The following RNFT2 variants were observed in gnomAD, a reference collection of about 807,000 sequenced individuals.
RNFT2 encodes ring finger protein, transmembrane 2.
Under a neutral mutation model 53.0 loss-of-function variants are expected in RNFT2, and 36 were observed. The ratio of observed to expected loss-of-function variants is 0.68; its 90% CI spans 0.52 to 0.90. RNFT2 has a LOEUF of 0.90. Ranked by LOEUF, RNFT2 falls within the 40% of genes least tolerant of loss-of-function variation. The pLI, the probability that RNFT2 is intolerant of heterozygous loss-of-function variation, is 0.00. For synonymous variants in RNFT2, 260 were observed against 253.2 expected (o/e 1.03, Z -0.26); for missense variants, 514 against 585.6 (o/e 0.88, Z 1.26).
At position 116,849,731 on chromosome 12, in the gene RNFT2, A is replaced by G; in HGVS notation, c.*283A>G. On this transcript the variant is annotated 3_prime_UTR_variant, in exon 11 of 11. Coordinates refer to ENST00000257575, the MANE Select transcript of RNFT2 (RefSeq NM_001382266.1). ...CATCTTCCTTCTCCACTCCAAGTCA[A>G]GGACCTGGCAATACATGAAGTTCCC... 8.3e-7 allele frequency: 1 copy of G among 1,198,208 alleles called. No individual in the cohort carries two copies. Among genetic ancestry groups the G allele is most frequent in the African/African-American group, 1.6e-5 (1 of 63,920 alleles). The allele number at this position is 1,198,208 out of a possible 1,614,324, so 74.2% of individuals were successfully genotyped here.
chr12:116,762,589 T>C (rs1053089050), intron 5 of RNFT2, among the ~76,000 whole-genome samples: 3 of 150,936 alleles, frequency 2.0e-5, no homozygotes, highest in Non-Finnish European at 3.0e-5. Context: ...AATTTTTTTT[T>C]TTTTTTTTGA....
intron 7 of RNFT2, among the ~76,000 whole-genome samples, chr12:116,800,322 C>A (rs1221551114): frequency 1.3e-5 from 2 of 151,902 alleles, no homozygotes; most frequent in Non-Finnish European, 2.9e-5. Context: ...CATGGTGAAG[C>A]TCTGTCTCTA....
At chr12:116,739,671 G>A (rs1007045036) in intron 1 of RNFT2, among the ~76,000 whole-genome samples, 3 of 152,184 alleles carry the variant, frequency 2.0e-5, no homozygotes, top group African/African-American at 4.8e-5. Flanking sequence ...GCAGGGACAC[G>A]CTGACACATT....
intron 7 of RNFT2, among the ~76,000 whole-genome samples, chr12:116,825,811 G>A (rs575885923): frequency 6.6e-6 from 1 of 152,080 alleles, no homozygotes; most frequent in Admixed American, 6.5e-5. Context: ...GGTCATAGAG[G>A]TTGAATTATT....
chr12:116,794,675 G>C (rs1874413951), intron 7 of RNFT2, among the ~76,000 whole-genome samples: 1 of 118,152 alleles, frequency 8.5e-6, no homozygotes, highest in African/African-American at 3.4e-5. Flanking sequence ...AGGAAGGAAG[G>C]GAGGGAGGGA....
In RNFT2 at chr12:116,750,926, G is replaced by T. The variant is rs144457693; in HGVS notation, c.550+619G>T. Among the ~76,000 whole-genome samples, 116 of 128,664 alleles carry T rather than the reference G, an allele frequency of 9.0e-4. 2 individuals are homozygous for T. Among genetic ancestry groups the T allele is most frequent in the Middle Eastern group, 4.5e-3 (1 of 224 alleles). The allele number at this position is 128,664 out of a possible 152,430, so 84.4% of individuals were successfully genotyped here. On this transcript the variant is annotated intron_variant, in intron 4 of 10. Transcript: ENST00000257575. ...TATATATATTTTTTTTTGAGACAGG[G>T]TCTTGCTCTTTCAGCCAGGCTGGAG...
rs1872101496 is a variant in RNFT2 at position 116,749,999 on chromosome 12, C to T, written c.242C>T (p.Ser81Leu). Residue 81 changes from serine to leucine, a missense_variant, in exon 4 of 11, where the codon TCG (serine) becomes TTG (leucine). Around this residue, in one of 3 missense-constraint regions of RNFT2, gnomAD observed 237 missense variants for 235.1 expected, o/e 1.01. Transcript: ENST00000257575. ...CCCTCCAGCCTGGTGCTGGGCTCCTCGGCTGGCGGCGGGGACGTGTTCATC... is the reference window on the plus strand; with the variant it reads ...CCCTCCAGCCTGGTGCTGGGCTCCTTGGCTGGCGGCGGGGACGTGTTCATC... ...SFPSSLVLGS[S>L]AGGGDVFIQM... is the part of the protein sequence containing the mutation. 5 of 1,557,086 alleles carry T rather than the reference C, an allele frequency of 3.2e-6. No homozygotes were observed. Among genetic ancestry groups the T allele is most frequent in the African/African-American group, 1.4e-5 (1 of 73,368 alleles).
At chr12:116,785,785 A>G (rs1002278137) in intron 7 of RNFT2, among the ~76,000 whole-genome samples, 65 of 152,304 alleles carry the variant, frequency 4.3e-4, no homozygotes, top group Non-Finnish European at 9.1e-4. Flanking sequence ...ATTGTGGCTC[A>G]CACCTGTAAT....
chr12:116,763,225 CA>C (rs1344523529), intron 5 of RNFT2, among the ~76,000 whole-genome samples: 3 of 150,436 alleles, frequency 2.0e-5, no homozygotes, highest in Non-Finnish European at 4.4e-5. Context: ...TGTTAATAGG[CA>C]ATTCTCAAAA....
chr12:116,774,530 G>A lies in RNFT2; in HGVS notation c.729-4665G>A, dbSNP rs1873339084. On this transcript the variant is annotated intron_variant, in intron 6 of 10. Coordinates refer to ENST00000257575, the MANE Select transcript of RNFT2 (RefSeq NM_001382266.1). ...GGAAACTATCAGAGCTGTCAGAATT[G>A]AGGGAAGATTCTTTTGTGGATGGTT... Among the ~76,000 whole-genome samples the A allele has an allele frequency of 2.0e-5, 3 of 152,176 alleles. No homozygotes were observed. In the South Asian group the frequency reaches 6.2e-4, roughly 32 times the overall value.
In RNFT2 at chr12:116,750,081, C is replaced by G; in HGVS notation, c.324C>G (p.His108Gln). The stretch of plus-strand genomic sequence containing the variant: ...GCCGGGGCGAGGGGGGCGCCTACCA[C>G]CACCGCCAGCCCCACCACCATTTCC... The part of the protein sequence containing the change: ...GGGRGEGGAY[H>Q]HRQPHHHFHH... Residue 108 changes from histidine (H) to glutamine (Q), a missense_variant, in exon 4 of 11, where the codon CAC becomes CAG. Coordinates refer to ENST00000257575, the MANE Select transcript of RNFT2 (RefSeq NM_001382266.1). The G allele has an allele frequency of 1.3e-6, 2 of 1,545,964 alleles. No individual in the cohort carries two copies. Among genetic ancestry groups the G allele is most frequent in the Non-Finnish European group, 1.7e-6 (2 of 1,149,766 alleles).
At chr12:116,769,360 G>A (rs1274227634) in intron 6 of RNFT2, among the ~76,000 whole-genome samples, 1 of 152,176 alleles carries the variant, frequency 6.6e-6, no homozygotes. Flanking sequence ...AAAGTTAACT[G>A]TAAGGCAGCC....
intron 7 of RNFT2, among the ~76,000 whole-genome samples, chr12:116,805,121 C>CTTTTT (rs35830752): frequency 2.8e-5 from 4 of 143,340 alleles, no homozygotes; most frequent in African/African-American, 1.0e-4. Flanking sequence ...AAGACATTGT[C>CTTTTT]TTTTTTTTTT....
Position 116,818,153 on chromosome 12 carries a change from C to CA in RNFT2, c.883-15632dup, listed in dbSNP as rs201317508. Among the ~76,000 whole-genome samples the CA allele has an allele frequency of 9.2e-4, 140 of 151,942 alleles. No homozygotes were observed. In the East Asian group the frequency reaches 0.021, roughly 22 times the overall value. On this transcript the variant is annotated intron_variant, in intron 7 of 10. Transcript: ENST00000257575. ...CAACACAGGGGAGACCCCCTCTCTACAAAAAAAGTCTTTAAAAAATTATCT... is the reference window on the plus strand; with the variant it reads ...CAACACAGGGGAGACCCCCTCTCTACAAAAAAAAGTCTTTAAAAAATTATCT...
In RNFT2 at chr12:116,799,424, C is replaced by A. The variant is rs530669532; in HGVS notation, c.882+20076C>A. Reference sequence around the variant, plus strand: ...CTCCAAAATCCCTTTTATCGTGTAGCCTGTAATATGATCTAGATGTGATAT... The same window carrying A: ...CTCCAAAATCCCTTTTATCGTGTAGACTGTAATATGATCTAGATGTGATAT... On this transcript the variant is annotated intron_variant, in intron 7 of 10. Transcript: ENST00000257575. Among the ~76,000 whole-genome samples the A allele has an allele frequency of 2.6e-5, 4 of 152,294 alleles. No individual in the cohort carries two copies. The East Asian group carries it at 7.7e-4, about 29-fold the overall frequency.
chr12:116,752,605 C>T lies in RNFT2; in HGVS notation c.551-1379C>T, dbSNP rs749341757. On this transcript the variant is annotated intron_variant, in intron 4 of 10. Transcript: ENST00000257575. The stretch of plus-strand genomic sequence containing the variant: ...TTAAAAGAGTAAGTGCGACCAGGTA[C>T]GGTGGCTCACGCCTGTAATCCTGGC... Among the ~76,000 whole-genome samples the T allele has an allele frequency of 3.9e-5, 6 of 152,120 alleles. 1 individual carries two copies. Among genetic ancestry groups the T allele is most frequent in the East Asian group, 1.9e-4 (1 of 5,188 alleles).
chr12:116,765,333 A>T (rs1872862668), intron 5 of RNFT2, among the ~76,000 whole-genome samples: 1 of 152,196 alleles, frequency 6.6e-6, no homozygotes, highest in Non-Finnish European at 1.5e-5. Flanking sequence ...TTCTAGCATC[A>T]TTAACCTTGA....
At chr12:116,832,680 C>T (rs1258788777) in intron 7 of RNFT2, among the ~76,000 whole-genome samples, 1 of 152,156 alleles carries the variant, frequency 6.6e-6, no homozygotes, top group African/African-American at 2.4e-5. Flanking sequence ...CCACAGAAAG[C>T]TTCAGGGACT....
intron 7 of RNFT2, among the ~76,000 whole-genome samples, chr12:116,785,929 G>T (rs1482900166): frequency 6.6e-6 from 1 of 152,010 alleles, no homozygotes; most frequent in African/African-American, 2.4e-5. Flanking sequence ...GTACATGACT[G>T]TAGTCCCAGC....
Sources: allele counts gnomAD v4.1 joint callset (sites outside exome capture counted in the v4.1 genomes callset), GRCh38; gene constraint gnomAD v4.1.1; regional missense constraint gnomAD v4.1.1; transcripts MANE v1.5; gene names NCBI Gene and HGNC (gene_info 2026-07-23, HGNC 2026-07-21).